CHD9: variants seen among roughly 807,000 people sequenced by gnomAD.
CHD9 encodes ATP-dependent chromatin remodeler CHD9.
Under a neutral mutation model 316.1 loss-of-function variants are expected in CHD9, and 77 were observed. The ratio of observed to expected loss-of-function variants is 0.24; its 90% CI spans 0.20 to 0.29. The LOEUF (loss-of-function observed/expected upper bound fraction) is 0.29, where lower values mean the gene tolerates loss of function less well. Ranked by LOEUF, CHD9 falls within the 10% of genes least tolerant of loss-of-function variation. The pLI, the probability that CHD9 is intolerant of heterozygous loss-of-function variation, is 1.00. For missense variants in CHD9, 2,763 were observed against 3,438.1 expected, an observed-to-expected ratio of 0.80 and a Z score of 4.91; for synonymous variants, 1,129 against 1,158.3, an observed-to-expected ratio of 0.97 and a Z score of 0.51.
At chr16:53,147,813 T>A (rs2040753667) in intron 1 of CHD9, among the ~76,000 whole-genome samples, 1 of 152,206 alleles carries the variant, frequency 6.6e-6, no homozygotes, top group South Asian at 2.1e-4. Flanking sequence ...AGTTCTCTGT[T>A]TGAGTCCCTA....
chr16:53,138,032 A>AG (rs370225191), intron 1 of CHD9, among the ~76,000 whole-genome samples: 3 of 151,972 alleles, frequency 2.0e-5, no homozygotes, highest in Non-Finnish European at 2.9e-5. Context: ...CTGGGGAAGG[A>AG]GGGGGGGAAA....
intron 19 of CHD9, among the ~76,000 whole-genome samples, chr16:53,257,562 A>G (rs924980516): frequency 6.6e-6 from 1 of 152,134 alleles, no homozygotes; most frequent in Non-Finnish European, 1.5e-5. Flanking sequence ...AAGAGTCAGA[A>G]ATGACTTGAA....
intron 1 of CHD9, chr16:53,121,887 T>G (rs1375809095): frequency 6.5e-6 from 1 of 152,738 alleles, no homozygotes; most frequent in Non-Finnish European, 1.5e-5. Flanking sequence ...TCATTTTCAC[T>G]TACTGCTGAA....
chr16:53,268,027 C>T lies in CHD9; in HGVS notation c.4618C>T (p.Leu1540Phe). 1 of 1,613,410 alleles carries T rather than the reference C, an allele frequency of 6.2e-7. No individual in the cohort carries two copies. Among genetic ancestry groups the T allele is most frequent in the Non-Finnish European group, 8.5e-7 (1 of 1,179,570 alleles). Residue 1540 changes from leucine to phenylalanine, a missense_variant, in exon 22 of 39, where the codon CTT (leucine) becomes TTT (phenylalanine). This residue lies in a region of CHD9 where 99 missense variants were observed against 131.6 expected (regional missense o/e 0.75). Transcript: ENST00000447540. ...TTGCCGAGCTCTCTTAGCATATTGC[C>T]TTGTTCACTACCGAGGAGATGAGAA... ...IICRALLAYC[L>F]VHYRGDEKIK...
At chr16:53,119,158 C>T (rs567127856) in intron 1 of CHD9, among the ~76,000 whole-genome samples, 79 of 152,050 alleles carry the variant, frequency 5.2e-4, no homozygotes, top group African/African-American at 1.6e-3. Flanking sequence ...CTTTTGGAGG[C>T]GATGAATATG....
intron 2 of CHD9, among the ~76,000 whole-genome samples, chr16:53,180,413 T>A (rs2043411739): frequency 6.6e-6 from 1 of 152,168 alleles, no homozygotes; most frequent in African/African-American, 2.4e-5. Flanking sequence ...GGACAGCAAG[T>A]TCGATGCTAA....
At position 53,207,667 on chromosome 16, in the gene CHD9, A is replaced by G. The variant is rs1318054814; in HGVS notation, c.1453-1815A>G. The stretch of plus-strand genomic sequence containing the variant: ...AATCTTCAGCTATTTCATATTTTAA[A>G]TATTTTAGAGTATCTTGGAGAAAAG... On this transcript the variant is annotated intron_variant, in intron 2 of 38. Transcript: ENST00000447540. Among the ~76,000 whole-genome samples the G allele has an allele frequency of 2.6e-5, 4 of 151,518 alleles. No individual in the cohort carries two copies. In the East Asian group the frequency reaches 7.7e-4, roughly 29 times the overall value.
intron 3 of CHD9, among the ~76,000 whole-genome samples, chr16:53,221,537 A>G (rs1314141806): frequency 1.3e-5 from 2 of 152,200 alleles, no homozygotes; most frequent in Non-Finnish European, 2.9e-5. Context: ...ATGCCCCTGC[A>G]TCTGTTGAAG....
intron 4 of CHD9, among the ~76,000 whole-genome samples, chr16:53,223,005 T>G (rs1243186431): frequency 6.6e-6 from 1 of 152,172 alleles, no homozygotes; most frequent in Non-Finnish European, 1.5e-5. Flanking sequence ...CCAGAGAGGT[T>G]AACAATACAA....
At chr16:53,130,824 G>GGAGCGGCA (rs1567352156) in intron 1 of CHD9, 4 of 151,948 alleles carry the variant, frequency 2.6e-5, no homozygotes, top group African/African-American at 9.6e-5. Context: ...CAGGAGCGGC[G>GGAGCGGCA]GCGGTCACGA....
chr16:53,324,806 G>C lies in CHD9; in HGVS notation c.8605G>C (p.Asp2869His). The C allele has an allele frequency of 6.2e-7, 1 of 1,613,030 alleles. No individual in the cohort carries two copies. Among genetic ancestry groups the C allele is most frequent in the Non-Finnish European group, 8.5e-7 (1 of 1,179,488 alleles). Reference sequence around the variant, plus strand: ...AAGTCCTCTCAATGAAAACAGCACAGATGAGGGTTCAGAGAAAGCTGATGC... The same window carrying C: ...AAGTCCTCTCAATGAAAACAGCACACATGAGGGTTCAGAGAAAGCTGATGC... The part of the protein sequence containing the change: ...EPSPLNENST[D>H]EGSEKADASS... The change falls in exon 39 of 39, where the codon GAT becomes CAT. Residue 2869 changes from aspartate (D) to histidine (H), a missense_variant. Physicochemically the swap from Asp to His is moderately conservative, Grantham distance 81. This residue lies in a region of CHD9 where 298 missense variants were observed against 380.2 expected (regional missense o/e 0.78). Coordinates refer to ENST00000447540, the MANE Select transcript of CHD9 (RefSeq NM_001308319.2).
In CHD9 at chr16:53,177,099, GC is replaced by G. The variant is rs979094775; in HGVS notation, c.1452+19559del. ...GCCTCCCAGGTAGCTGGGATTACAG[GC>G]ACATGCCACCATGCCTGGCTAATTT... On this transcript the variant is annotated intron_variant, in intron 2 of 38. Coordinates refer to ENST00000447540, the MANE Select transcript of CHD9 (RefSeq NM_001308319.2). Among the ~76,000 whole-genome samples, 3 of 152,138 alleles carry G rather than the reference GC, an allele frequency of 2.0e-5. 1 individual carries two copies. The highest frequency in any genetic ancestry group is 2.0e-4 in the Admixed American group (3 of 15,268).
intron 1 of CHD9, among the ~76,000 whole-genome samples, chr16:53,155,582 T>G (rs1463713918): frequency 1.3e-5 from 2 of 152,214 alleles, no homozygotes; most frequent in African/African-American, 4.8e-5. Flanking sequence ...AAGTGTATAT[T>G]TAGTGGCTTT....
intron 1 of CHD9, among the ~76,000 whole-genome samples, chr16:53,104,984 A>AT (rs1309928346): frequency 7.3e-6 from 1 of 136,666 alleles, no homozygotes; most frequent in Non-Finnish European, 1.7e-5. Context: ...TGACTGGCTA[A>AT]TTAAAAAAAA....
At chr16:53,251,786 T>C (rs2050148819) in intron 17 of CHD9, among the ~76,000 whole-genome samples, 1 of 152,194 alleles carries the variant, frequency 6.6e-6, no homozygotes, top group Non-Finnish European at 1.5e-5. Flanking sequence ...TTTTAACATG[T>C]ATGCATATTA....
At chr16:53,149,514 C>T (rs1012392850) in intron 1 of CHD9, among the ~76,000 whole-genome samples, 2 of 150,712 alleles carry the variant, frequency 1.3e-5, no homozygotes, top group African/African-American at 2.4e-5. Context: ...TCTCTTTCAT[C>T]AGTGTGTAAT....
intron 2 of CHD9, among the ~76,000 whole-genome samples, chr16:53,185,930 A>G (rs1403924151): frequency 6.6e-6 from 1 of 152,234 alleles, no homozygotes; most frequent in Non-Finnish European, 1.5e-5. Flanking sequence ...AAAGGCTTGG[A>G]TGTCCAGGCA....
chr16:53,246,930 T>A (rs2049682688), intron 15 of CHD9, among the ~76,000 whole-genome samples: 1 of 152,244 alleles, frequency 6.6e-6, no homozygotes, highest in Admixed American at 6.5e-5. Context: ...TGATTGCTGT[T>A]TAAATATTAG....
intron 1 of CHD9, among the ~76,000 whole-genome samples, chr16:53,115,592 G>A (rs752159539): frequency 7.2e-5 from 11 of 152,194 alleles, no homozygotes; most frequent in Non-Finnish European, 1.3e-4. Context: ...TCAAAACCAG[G>A]TCGGATAACT....
Sources: allele counts gnomAD v4.1 joint callset (sites outside exome capture counted in the v4.1 genomes callset), GRCh38; gene constraint gnomAD v4.1.1; regional missense constraint gnomAD v4.1.1; transcripts MANE v1.5; gene names NCBI Gene and HGNC (gene_info 2026-07-23, HGNC 2026-07-21).